The following SLC22A4 variants were observed in gnomAD, a reference collection of about 807,000 sequenced individuals.
SLC22A4 encodes ET transporter.
A neutral mutation model predicts 56.6 loss-of-function variants in SLC22A4; 39 were observed. The ratio of observed to expected loss-of-function variants is 0.69; its 90% confidence interval spans 0.53 to 0.90. The LOEUF (loss-of-function observed/expected upper bound fraction) is 0.90. SLC22A4 is among the 40% of genes least tolerant of loss of function. SLC22A4 has a pLI of 0.00. For missense variants in SLC22A4, 594 were observed against 696.5 expected, an observed-to-expected ratio of 0.85 and a Z score of 1.66; for synonymous variants, 241 against 281.4, an observed-to-expected ratio of 0.86 and a Z score of 1.44.
intron 4 of SLC22A4, among the ~76,000 whole-genome samples, chr5:132,323,154 CTT>C (rs1311890730): frequency 2.0e-5 from 3 of 152,168 alleles, no homozygotes; most frequent in African/African-American, 7.2e-5. Flanking sequence ...ATTAATTCTT[CTT>C]TGTTTGATTT....
At chr5:132,313,364 C>T (rs541576260) in intron 2 of SLC22A4, among the ~76,000 whole-genome samples, 89 of 152,292 alleles carry the variant, frequency 5.8e-4, no homozygotes, top group Non-Finnish European at 4.0e-4. Flanking sequence ...TCCACAAGGT[C>T]CTTGCGTACA....
intron 9 of SLC22A4, among the ~76,000 whole-genome samples, chr5:132,340,965 A>G (rs1363371509): frequency 3.3e-5 from 5 of 151,920 alleles, no homozygotes. Context: ...AAAATACAAA[A>G]AATTAGCTGG....
intron 1 of SLC22A4, among the ~76,000 whole-genome samples, chr5:132,302,577 G>C (rs928823066): frequency 1.3e-5 from 2 of 152,220 alleles, no homozygotes; most frequent in Non-Finnish European, 2.9e-5. Context: ...AAGAAGCACA[G>C]ACAGTCCAAG....
At position 132,294,690 on chromosome 5, in the gene SLC22A4, T is replaced by A. The variant is rs758995324; in HGVS notation, c.74T>A (p.Leu25His). Residue 25 changes from leucine (L) to histidine (H), a missense_variant, in exon 1 of 10, where the codon CTC becomes CAC. Leu to His is a moderately conservative substitution (Grantham distance 99, BLOSUM62 -3). Transcript: ENST00000200652. The surrounding 1 kb of genome is among the most constrained non-coding windows in gnomAD (Gnocchi z 5.6). ...TTCCAGCGCCTCATCTTCTTCCTGCTCAGCGCCAGCATCATCCCCAATGGC... is the reference window on the plus strand; with the variant it reads ...TTCCAGCGCCTCATCTTCTTCCTGCACAGCGCCAGCATCATCCCCAATGGC... ...GPFQRLIFFL[L>H]SASIIPNGFN... 1.4e-5 allele frequency: 23 copies of A among 1,614,050 alleles called. No homozygotes were observed. The highest frequency in any genetic ancestry group is 8.5e-7 in the Non-Finnish European group (1 of 1,180,048).
intron 1 of SLC22A4, among the ~76,000 whole-genome samples, chr5:132,305,799 C>T (rs1750014090): frequency 6.6e-6 from 1 of 152,178 alleles, no homozygotes; most frequent in Non-Finnish European, 1.5e-5. Context: ...AAAGGAGGCA[C>T]TTCAGAAATA....
At chr5:132,337,916 T>C (rs2126741559) in intron 8 of SLC22A4, among the ~76,000 whole-genome samples, 1 of 151,022 alleles carries the variant, frequency 6.6e-6, no homozygotes, top group South Asian at 2.1e-4. Context: ...TTTTTTTTTT[T>C]GTATTTTTAG....
Position 132,343,920 on chromosome 5 carries a change from G to A in SLC22A4, c.*85G>A. 4.9e-6 allele frequency: 4 copies of A among 811,538 alleles called. No homozygotes were observed. The highest frequency in any genetic ancestry group is 8.3e-6 in the Non-Finnish European group (4 of 480,656). 50.3% of individuals were successfully genotyped at this position (811,538 alleles called of 1,614,324 possible). ...TTCGTTGTTCCCACTGAAATGGACT[G>A]ACTGTAACGATTGACACCAAAATGA... On this transcript the variant is annotated 3_prime_UTR_variant, in exon 10 of 10. Transcript: ENST00000200652.
intron 9 of SLC22A4, among the ~76,000 whole-genome samples, chr5:132,341,678 T>G (rs956164798): frequency 6.6e-6 from 1 of 152,232 alleles, no homozygotes; most frequent in African/African-American, 2.4e-5. Context: ...CTGGGCATGG[T>G]GGCTCACACC....
At chr5:132,341,712 T>C (rs181611700) in intron 9 of SLC22A4, among the ~76,000 whole-genome samples, 3 of 152,146 alleles carry the variant, frequency 2.0e-5, no homozygotes, top group East Asian at 1.9e-4. Context: ...CTTAGGGAGA[T>C]TGAGGCAGGC....
intron 4 of SLC22A4, among the ~76,000 whole-genome samples, chr5:132,324,137 C>CTAACAGTGA (rs1750615181): frequency 6.6e-6 from 1 of 151,798 alleles, no homozygotes; most frequent in African/African-American, 2.4e-5. Flanking sequence ...GATTACAGTG[C>CTAACAGTGA]GCTATATGAT....
chr5:132,327,354 C>A lies in SLC22A4; in HGVS notation c.902C>A (p.Ala301Glu), dbSNP rs201521490. 25 of 1,611,724 alleles carry A rather than the reference C, an allele frequency of 1.6e-5. No homozygotes were observed. The South Asian group carries it at 1.9e-4, about 12-fold the overall frequency. The change falls in exon 5 of 10, where the codon GCA becomes GAA. Residue 301 changes from alanine to glutamate, a missense_variant. Ala to Glu is a moderately radical substitution (Grantham distance 107). Coordinates refer to ENST00000200652, the MANE Select transcript of SLC22A4 (RefSeq NM_003059.3). ...GCTGAAGATATCATCCAAAAAGCTG[C>A]AAAAATGAACAACATAGCTGTACCA... ...REAEDIIQKA[A>E]KMNNIAVPAV... is the part of the protein sequence containing the mutation.
In SLC22A4 at chr5:132,343,460, A is replaced by G. The variant is rs556983129; in HGVS notation, c.1581-300A>G. ...ATTGTTGATAAGTTGTTTTCTTCTAATGATAGAACTACTTCAGTATCAACT... is the reference window on the plus strand; with the variant it reads ...ATTGTTGATAAGTTGTTTTCTTCTAGTGATAGAACTACTTCAGTATCAACT... On this transcript the variant is annotated intron_variant, in intron 9 of 9. Transcript: ENST00000200652. Among the ~76,000 whole-genome samples, 7 of 152,348 alleles carry G rather than the reference A, an allele frequency of 4.6e-5. No homozygotes were observed. The South Asian group carries it at 1.5e-3, about 32-fold the overall frequency.
At position 132,295,004 on chromosome 5, in the gene SLC22A4, A is replaced by C; in HGVS notation, c.388A>C (p.Thr130Pro). Residue 130 changes from threonine (T) to proline (P), a missense_variant, in exon 1 of 10, where the codon ACC becomes CCC. Coordinates refer to ENST00000200652, the MANE Select transcript of SLC22A4 (RefSeq NM_003059.3). ...GGACGTCTACCTGTCCACCGTCGTG[A>C]CCGAGGTGGGTGCCAGGCCGAGACC... ...SQDVYLSTVV[T>P]EWNLVCEDNW... 1 of 1,605,626 alleles carries C rather than the reference A, an allele frequency of 6.2e-7. No homozygotes were observed. Among genetic ancestry groups the C allele is most frequent in the South Asian group, 1.1e-5 (1 of 89,628 alleles).
chr5:132,312,675 A>G (rs780504138), intron 2 of SLC22A4, among the ~76,000 whole-genome samples: 1 of 152,204 alleles, frequency 6.6e-6, no homozygotes, highest in Non-Finnish European at 1.5e-5. Flanking sequence ...GTGAGCCCCA[A>G]CTGTGCACAC....
In SLC22A4 at chr5:132,320,407, G is replaced by A. The variant is rs116591686; in HGVS notation, c.653-1777G>A. ...TTCCACATCACAATCACGGCCAAGGGGTTTAGAAACCAGTGCATAGCAGGA... is the reference window on the plus strand; with the variant it reads ...TTCCACATCACAATCACGGCCAAGGAGTTTAGAAACCAGTGCATAGCAGGA... On this transcript the variant is annotated intron_variant, in intron 3 of 9. Transcript: ENST00000200652. Among the ~76,000 whole-genome samples the A allele has an allele frequency of 6.9e-3, 1,054 of 152,282 alleles. 5 individuals are homozygous for A. Among genetic ancestry groups the A allele is most frequent in the Non-Finnish European group, 0.012 (785 of 68,022 alleles).
chr5:132,323,959 A>G (rs1017877162), intron 4 of SLC22A4, among the ~76,000 whole-genome samples: 13 of 152,166 alleles, frequency 8.5e-5, no homozygotes, highest in African/African-American at 3.1e-4. Flanking sequence ...TTGGGAGGCC[A>G]AGGTGGGAGG....
intron 5 of SLC22A4, among the ~76,000 whole-genome samples, chr5:132,331,526 G>A (rs1750859156): frequency 1.3e-5 from 2 of 152,062 alleles, no homozygotes; most frequent in Admixed American, 6.6e-5. Flanking sequence ...GACAGGGAAG[G>A]GGGTGTTATA....
intron 9 of SLC22A4, among the ~76,000 whole-genome samples, chr5:132,341,225 C>T (rs34969838): frequency 6.6e-6 from 1 of 152,010 alleles, no homozygotes; most frequent in Non-Finnish European, 1.5e-5. Context: ...CGAGACCATC[C>T]TGGCCAACAT....
chr5:132,325,770 G>A (rs768840798), intron 4 of SLC22A4, among the ~76,000 whole-genome samples: 1 of 152,202 alleles, frequency 6.6e-6, no homozygotes, highest in Non-Finnish European at 1.5e-5. Flanking sequence ...TGAGGTAGGA[G>A]GCCAGACACG....
Sources: gnomAD v4.1 joint callset for allele counts (sites outside exome capture counted in the v4.1 genomes callset) on GRCh38, gnomAD v4.1.1 for gene constraint, Gnocchi (gnomAD v3.1) non-coding constraint, MANE v1.5 for transcripts, NCBI Gene and HGNC (gene_info 2026-07-23, HGNC 2026-07-21) for gene names.